The following ZNF227 variants were observed in gnomAD, a reference collection of about 807,000 sequenced individuals.
ZNF227 encodes the protein zinc finger protein 227.
In ZNF227, 12 loss-of-function variants were observed where a neutral mutation model predicts 13.2. That is an observed-to-expected ratio of 0.91 (90% CI 0.58 to 1.47). ZNF227 has a LOEUF of 1.47. Ranked by LOEUF, ZNF227 falls within the 40% of genes most tolerant of loss-of-function variation. The pLI, the probability that ZNF227 is intolerant of heterozygous loss-of-function variation, is 0.00. For synonymous variants in ZNF227, 338 were observed against 326.0 expected, an observed-to-expected ratio of 1.04 and a Z score of -0.40; for missense variants, 885 against 967.5, an observed-to-expected ratio of 0.91 and a Z score of 1.13.
At chr19:44,214,081 G>A (rs1971594746) in intron 2 of ZNF227, among the ~76,000 whole-genome samples, 1 of 152,090 alleles carries the variant, frequency 6.6e-6, no homozygotes, top group South Asian at 2.1e-4. Context: ...TGTCAAAATG[G>A]TAATATTTTG....
At chr19:44,211,813 CTT>C (rs1176772105), upstream of ZNF227, among the ~76,000 whole-genome samples, 9 of 119,598 alleles carry the variant, frequency 7.5e-5, no homozygotes, top group Non-Finnish European at 1.1e-4. Context: ...TTCCTCTGCC[CTT>C]TTTTTTTTTT....
chr19:44,220,380 G>C (rs1030269529), intron 3 of ZNF227, among the ~76,000 whole-genome samples: 1 of 151,878 alleles, frequency 6.6e-6, no homozygotes, highest in Non-Finnish European at 1.5e-5. Flanking sequence ...GGTTGAACTA[G>C]TTTACAGTCC....
chr19:44,217,677 C>A, intron 2 of ZNF227, 114 bp from the exon 3 acceptor site: 1 of 1,123,394 alleles, frequency 8.9e-7, no homozygotes, highest in Non-Finnish European at 1.4e-6. Flanking sequence ...TTCTGCTTAC[C>A]AAGCTGTATG....
chr19:44,215,006 T>C (rs963517918), intron 2 of ZNF227, among the ~76,000 whole-genome samples: 1 of 151,970 alleles, frequency 6.6e-6, no homozygotes, highest in African/African-American at 2.4e-5. Flanking sequence ...GTGCGCTCCT[T>C]ATGAGAATGT....
intron 5 of ZNF227, among the ~76,000 whole-genome samples, chr19:44,233,650 C>T (rs1974096298): frequency 6.6e-6 from 1 of 152,118 alleles, no homozygotes; most frequent in Non-Finnish European, 1.5e-5. Context: ...AATCCCAGCA[C>T]TCTGGGAGGC....
intron 3 of ZNF227, among the ~76,000 whole-genome samples, chr19:44,221,532 A>G (rs1170978126): frequency 1.3e-5 from 2 of 152,048 alleles, no homozygotes; most frequent in East Asian, 3.9e-4. Context: ...GCATTTTTTC[A>G]TGTGGTTTTT....
upstream of ZNF227, among the ~76,000 whole-genome samples, chr19:44,211,072 G>T (rs1264414169): frequency 6.6e-6 from 1 of 152,012 alleles, no homozygotes; most frequent in African/African-American, 2.4e-5. Context: ...GGAGGGGGGT[G>T]CCTATAACCC....
At chr19:44,219,125 G>A (rs1035086984) in intron 3 of ZNF227, among the ~76,000 whole-genome samples, 2 of 152,180 alleles carry the variant, frequency 1.3e-5, no homozygotes, top group Non-Finnish European at 2.9e-5. Context: ...GACCTCAGAT[G>A]ATCCACCCAC....
At chr19:44,221,682 G>C (rs898981870) in intron 3 of ZNF227, among the ~76,000 whole-genome samples, 1 of 152,090 alleles carries the variant, frequency 6.6e-6, no homozygotes, top group Non-Finnish European at 1.5e-5. Context: ...AGATGAGTAG[G>C]TTGCAAAAAT....
upstream of ZNF227, among the ~76,000 whole-genome samples, chr19:44,211,969 C>T (rs1408319018): frequency 6.7e-6 from 1 of 148,544 alleles, no homozygotes; most frequent in Non-Finnish European, 1.5e-5. Flanking sequence ...GATCTTGGCT[C>T]ACTGCACCCT....
intron 5 of ZNF227, among the ~76,000 whole-genome samples, chr19:44,232,608 A>G (rs1973952883): frequency 6.6e-6 from 1 of 151,904 alleles, no homozygotes; most frequent in South Asian, 2.1e-4. Context: ...GGCTCATTGG[A>G]TAATCTAGGA....
At chr19:44,219,923 C>T (rs1343109576) in intron 3 of ZNF227, among the ~76,000 whole-genome samples, 2 of 151,868 alleles carry the variant, frequency 1.3e-5, no homozygotes, top group African/African-American at 4.8e-5. Flanking sequence ...AATGCTATCC[C>T]TCCCCACTCC....
chr19:44,234,650 A>G (rs1974212928), intron 5 of ZNF227, 52 bp from the exon 6 acceptor site: 1 of 1,471,972 alleles, frequency 6.8e-7, no homozygotes, highest in African/African-American at 1.4e-5. Context: ...ATTTCTGAAG[A>G]AAGCATTTAC....
At chr19:44,228,276 G>C in intron 3 of ZNF227, 170 bp from the exon 4 acceptor site, 1 of 634,678 alleles carries the variant, frequency 1.6e-6, no homozygotes, top group Non-Finnish European at 2.6e-6. Context: ...GCTTTATGGG[G>C]ATGAGCGTAG....
intron 5 of ZNF227, among the ~76,000 whole-genome samples, chr19:44,233,268 GTTTATA>G (rs1974045437): frequency 6.6e-6 from 1 of 152,034 alleles, no homozygotes; most frequent in Non-Finnish European, 1.5e-5. Flanking sequence ...GCATAAATAT[GTTTATA>G]TTTATGTGTA....
At chr19:44,214,806 A>G (rs1256959389) in intron 2 of ZNF227, among the ~76,000 whole-genome samples, 1 of 148,986 alleles carries the variant, frequency 6.7e-6, no homozygotes, top group Non-Finnish European at 1.5e-5. Context: ...TTTTTTTTTA[A>G]ATTAGAGTGT....
upstream of ZNF227, among the ~76,000 whole-genome samples, chr19:44,209,731 C>G (rs1046143399): frequency 6.6e-6 from 1 of 152,148 alleles, no homozygotes; most frequent in Non-Finnish European, 1.5e-5. Context: ...GGACTACAGG[C>G]GCCCATCACC....
At chr19:44,210,417 TGAA>T (rs1971312233), upstream of ZNF227, among the ~76,000 whole-genome samples, 2 of 152,282 alleles carry the variant, frequency 1.3e-5, no homozygotes. Flanking sequence ...ATTTTACAAA[TGAA>T]GAAAAAGGGG....
At chr19:44,216,639 C>A (rs771212242) in intron 2 of ZNF227, among the ~76,000 whole-genome samples, 4 of 151,668 alleles carry the variant, frequency 2.6e-5, no homozygotes, top group Admixed American at 1.3e-4. Flanking sequence ...TAGACAAATA[C>A]GGAAGCCTCT....
Sources: allele counts gnomAD v4.1 joint callset (sites outside exome capture counted in the v4.1 genomes callset), GRCh38; gene constraint gnomAD v4.1.1; transcripts MANE v1.5; gene names NCBI Gene and HGNC (gene_info 2026-07-23, HGNC 2026-07-21).